SLC30A8: variants seen among roughly 807,000 people sequenced by gnomAD.
SLC30A8 encodes solute carrier family 30 member 8, also known as proton-coupled zinc antiporter SLC30A8.
In SLC30A8, 27 loss-of-function variants were observed where a neutral mutation model predicts 36.9. The ratio of observed to expected loss-of-function variants is 0.73; its 90% confidence interval spans 0.54 to 1.01. The LOEUF (loss-of-function observed/expected upper bound fraction) is 1.01. Among genes scored for constraint, SLC30A8 ranks in the 50% least tolerant of loss-of-function variants. The pLI, the probability that SLC30A8 is intolerant of heterozygous loss-of-function variation, is 0.00. For synonymous variants in SLC30A8, 164 were observed against 172.4 expected (o/e 0.95, Z 0.38); for missense variants, 439 against 452.0 (o/e 0.97, Z 0.26).
At chr8:117,093,615 A>G (rs57686953) in intron 2 of SLC30A8, among the ~76,000 whole-genome samples, 49,095 of 151,944 alleles carry the variant, frequency 0.32, 8,694 homozygotes, top group African/African-American at 0.48. Context: ...AGTGTTACAA[A>G]TGAATAAAAC....
chr8:117,047,577 T>C (rs1817591811), intron 2 of SLC30A8, among the ~76,000 whole-genome samples: 1 of 152,058 alleles, frequency 6.6e-6, no homozygotes, highest in Non-Finnish European at 1.5e-5. Context: ...AAGGACTACA[T>C]ATAGTCCTTT....
chr8:117,113,239 T>A (rs540101586), intron 2 of SLC30A8, among the ~76,000 whole-genome samples: 2 of 152,274 alleles, frequency 1.3e-5, no homozygotes, highest in South Asian at 4.1e-4. Context: ...CTAAGCAGAC[T>A]TATGTCATGG....
At chr8:117,112,794 C>T (rs1820287598) in intron 2 of SLC30A8, among the ~76,000 whole-genome samples, 1 of 152,142 alleles carries the variant, frequency 6.6e-6, no homozygotes, top group Non-Finnish European at 1.5e-5. Flanking sequence ...GGGTGTATCC[C>T]AAGGACTTTC....
chr8:117,156,768 A>C (rs532010793), intron 3 of SLC30A8, among the ~76,000 whole-genome samples: 8 of 152,248 alleles, frequency 5.3e-5, no homozygotes, highest in Non-Finnish European at 1.2e-4. Context: ...GACAGGTAGC[A>C]TGTGGATTTG....
intron 2 of SLC30A8, chr8:117,128,532 T>A (rs1477881272): frequency 1.0e-5 from 1 of 95,564 alleles, no homozygotes; most frequent in East Asian, 6.8e-4. Flanking sequence ...TTTTAAAAAA[T>A]AATATGCTCC....
intron 6 of SLC30A8, among the ~76,000 whole-genome samples, chr8:117,167,498 CATACAT>C (rs1198967900): frequency 6.6e-5 from 9 of 136,630 alleles, no homozygotes; most frequent in African/African-American, 2.1e-4. Flanking sequence ...TATATACATA[CATACAT>C]GTATATGTAT....
chr8:117,172,264 C>T lies in SLC30A8; in HGVS notation c.965-272C>T, dbSNP rs557406780. Among the ~76,000 whole-genome samples, 21 of 152,240 alleles carry T rather than the reference C, an allele frequency of 1.4e-4. 1 individual carries two copies. The South Asian group carries it at 4.1e-3, about 30-fold the overall frequency. ...TGGCTTTTTCCAGGGCTTGTCTCCC[C>T]TTCCATAGTAAGCTCCTAGGAATGC... On this transcript the variant is annotated intron_variant, in intron 7 of 7. Transcript: ENST00000456015.
intron 2 of SLC30A8, among the ~76,000 whole-genome samples, chr8:117,093,936 G>A (rs1042691671): frequency 3.3e-5 from 5 of 152,260 alleles, no homozygotes; most frequent in African/African-American, 1.2e-4. Context: ...AACTGGGGCA[G>A]GGTGGGCAGC....
At chr8:117,072,288 C>T (rs957271680) in intron 2 of SLC30A8, among the ~76,000 whole-genome samples, 2 of 152,132 alleles carry the variant, frequency 1.3e-5, no homozygotes, top group African/African-American at 4.8e-5. Flanking sequence ...TGAAAGCAGC[C>T]TCTTTATTTG....
At chr8:117,075,381 C>T (rs990193801) in intron 2 of SLC30A8, among the ~76,000 whole-genome samples, 1 of 151,802 alleles carries the variant, frequency 6.6e-6, no homozygotes, top group Non-Finnish European at 1.5e-5. Context: ...TTGACTGATT[C>T]TTTCTTTATC....
At chr8:117,166,245 T>C (rs752671708) in intron 6 of SLC30A8, among the ~76,000 whole-genome samples, 3 of 152,220 alleles carry the variant, frequency 2.0e-5, no homozygotes, top group Non-Finnish European at 2.9e-5. Flanking sequence ...CATACATATG[T>C]ACAATTATCA....
At chr8:117,153,981 A>G (rs1822335968) in intron 3 of SLC30A8, among the ~76,000 whole-genome samples, 1 of 152,184 alleles carries the variant, frequency 6.6e-6, no homozygotes, top group Non-Finnish European at 1.5e-5. Flanking sequence ...TTCAAATAAC[A>G]TGTATGCACT....
At chr8:116,999,224 G>C (rs947401816) in intron 1 of SLC30A8, among the ~76,000 whole-genome samples, 1 of 152,058 alleles carries the variant, frequency 6.6e-6, no homozygotes, top group South Asian at 2.1e-4. Flanking sequence ...ATGCCATTGC[G>C]CTCCAGCCTG....
intron 2 of SLC30A8, among the ~76,000 whole-genome samples, chr8:117,123,686 C>A (rs993777487): frequency 5.3e-5 from 8 of 151,978 alleles, no homozygotes; most frequent in Admixed American, 6.6e-5. Context: ...GTGTATAATT[C>A]AATGATTTTT....
At chr8:116,998,248 A>G (rs1815887778) in intron 1 of SLC30A8, among the ~76,000 whole-genome samples, 1 of 152,246 alleles carries the variant, frequency 6.6e-6, no homozygotes, top group Admixed American at 6.5e-5. Context: ...GAAATGGAAC[A>G]GAAACATGAA....
chr8:116,978,535 G>A (rs541001018), intron 1 of SLC30A8, among the ~76,000 whole-genome samples: 7 of 152,162 alleles, frequency 4.6e-5, no homozygotes, highest in African/African-American at 9.7e-5. Context: ...AAAAATGCAC[G>A]TTAAGTCTGA....
intron 3 of SLC30A8, among the ~76,000 whole-genome samples, chr8:117,157,445 T>C (rs1487605107): frequency 6.6e-6 from 1 of 152,196 alleles, no homozygotes; most frequent in Non-Finnish European, 1.5e-5. Context: ...GTTCTAAAAA[T>C]TTGCTGAAAA....
intron 2 of SLC30A8, among the ~76,000 whole-genome samples, chr8:117,104,223 T>C (rs1397875181): frequency 6.6e-6 from 1 of 152,216 alleles, no homozygotes; most frequent in Non-Finnish European, 1.5e-5. Flanking sequence ...TTCTGGTTTA[T>C]TTTTTGCTTA....
intron 2 of SLC30A8, among the ~76,000 whole-genome samples, chr8:117,069,801 A>G (rs1043907851): frequency 1.3e-5 from 2 of 152,178 alleles, no homozygotes; most frequent in Non-Finnish European, 2.9e-5. Flanking sequence ...GCATTGCGGC[A>G]CCTTGTTTAC....
Sources: gnomAD v4.1 joint callset for allele counts (sites outside exome capture counted in the v4.1 genomes callset) on GRCh38, gnomAD v4.1.1 for gene constraint, MANE v1.5 for transcripts, NCBI Gene and HGNC (gene_info 2026-07-23, HGNC 2026-07-21) for gene names.